Variants in ICE2 observed in about 807,000 individuals in gnomAD.
ICE2 encodes interactor of little elongation complex ELL subunit 2.
In ICE2, 87 loss-of-function variants were observed where a neutral mutation model predicts 105.4. That is an observed-to-expected ratio of 0.83 (90% CI 0.69 to 0.99). ICE2 has a LOEUF of 0.99. ICE2 is among the 50% of genes least tolerant of loss of function. The probability of loss-of-function intolerance (pLI) is 0.00; values close to 1 mark genes in which losing one functional copy is unlikely to be tolerated. For synonymous variants in ICE2, 399 were observed against 392.0 expected (o/e 1.02, Z -0.21); for missense variants, 1,323 against 1,146.7 (o/e 1.15, Z -2.22).
rs560292846 is a variant in ICE2, at chr15:60,423,542, C to T, written c.*92G>A. 2 of 1,232,574 alleles carry T rather than the reference C, an allele frequency of 1.6e-6. No individual in the cohort carries two copies. Among genetic ancestry groups the T allele is most frequent in the African/African-American group, 1.6e-5 (1 of 63,782 alleles). 76.4% of individuals were successfully genotyped at this position (1,232,574 alleles called of 1,614,324 possible). On this transcript the variant is annotated 3_prime_UTR_variant, in exon 16 of 16. Coordinates refer to ENST00000261520, the MANE Select transcript of ICE2 (RefSeq NM_024611.6). ...CTCTAGCTACTACAGGAAAAATGTT[C>T]CTCTTGCCTACTGATTATTTTCCCT...
chr15:60,463,132 T>C (rs899664606), intron 5 of ICE2, among the ~76,000 whole-genome samples: 3 of 152,188 alleles, frequency 2.0e-5, no homozygotes, highest in African/African-American at 4.8e-5. Context: ...AAATACACTA[T>C]GATATTTGGT....
At chr15:60,441,805 C>T (rs2063726510) in intron 12 of ICE2, 1 of 152,102 alleles carries the variant, frequency 6.6e-6, no homozygotes, top group Non-Finnish European at 1.5e-5. Context: ...GAACTTCAGC[C>T]TAATCCCCAT....
rs575352697 is a variant in ICE2, at chr15:60,448,955, A to G, written c.2012T>C (p.Leu671Ser). 6.2e-7 allele frequency: 1 copy of G among 1,614,048 alleles called. No individual in the cohort carries two copies. Among genetic ancestry groups the G allele is most frequent in the Admixed American group, 1.7e-5 (1 of 60,014 alleles). The change falls in exon 10 of 16, where the codon TTA (leucine) becomes TCA (serine). Residue 671 changes from leucine to serine, a missense_variant. Coordinates refer to ENST00000261520, the MANE Select transcript of ICE2 (RefSeq NM_024611.6). ...RKVPELPLMN[L>S]ENSKQPSVSE... ...AACAGAAGGCTGTTTAGAATTTTCT[A>G]AATTCATTAAGGGCAATTCTGGTAC...
At chr15:60,472,960 A>C (rs1449365411) in intron 3 of ICE2, among the ~76,000 whole-genome samples, 1 of 152,152 alleles carries the variant, frequency 6.6e-6, no homozygotes, top group African/African-American at 2.4e-5. Flanking sequence ...TAAGGTCTCA[A>C]ATTTTGAGAT....
Position 60,466,595 on chromosome 15 carries a change from T to A in ICE2, c.527A>T (p.Glu176Val). Residue 176 changes from glutamate to valine, a missense_variant and splice_region_variant, in exon 5 of 16, where the codon GAG becomes GTG. By Grantham distance (121) the Glu-to-Val change is moderately radical (BLOSUM62 -2). Transcript: ENST00000261520. ...CACAAATGTGAGTTGTTTTTTTACCTCTGTGAAGAGACGGGCATCATCAGA... is the reference window on the plus strand; with the variant it reads ...CACAAATGTGAGTTGTTTTTTTACCACTGTGAAGAGACGGGCATCATCAGA... ...MLSDDARLFT[E>V]KILRACIEQV... is the part of the protein sequence containing the mutation. The A allele has an allele frequency of 1.2e-6, 2 of 1,610,466 alleles. No individual in the cohort carries two copies. Among genetic ancestry groups the A allele is most frequent in the Non-Finnish European group, 1.7e-6 (2 of 1,179,524 alleles).
At chr15:60,428,766 G>T in intron 14 of ICE2, 79 bp from the exon 15 acceptor site, 1 of 1,448,678 alleles carries the variant, frequency 6.9e-7, no homozygotes, top group Non-Finnish European at 9.3e-7. Flanking sequence ...TAATCTATTA[G>T]TAAAATTGAA....
Position 60,423,106 on chromosome 15 carries a change from T to C in ICE2, c.*528A>G, listed in dbSNP as rs925889154. ...GAGTTTTTATTTTTGGCTTCTGTAA[T>C]GGAATTTCACCAAGTTTTTAAAGGT... On this transcript the variant is annotated 3_prime_UTR_variant, in exon 16 of 16. Coordinates refer to ENST00000261520, the MANE Select transcript of ICE2 (RefSeq NM_024611.6). 2 of 152,634 alleles carry C rather than the reference T, an allele frequency of 1.3e-5. No individual in the cohort carries two copies. Among genetic ancestry groups the C allele is most frequent in the African/African-American group, 4.8e-5 (2 of 41,448 alleles). 9.5% of individuals were successfully genotyped at this position (152,634 alleles called of 1,614,324 possible).
rs760974785 is a variant in ICE2 at position 60,449,009 on chromosome 15, T to C, written c.1958A>G (p.Asp653Gly). 5 of 1,613,876 alleles carry C rather than the reference T, an allele frequency of 3.1e-6. No homozygotes were observed. The highest frequency in any genetic ancestry group is 4.2e-6 in the Non-Finnish European group (5 of 1,179,974). The change falls in exon 10 of 16, where the codon GAT becomes GGT. Residue 653 changes from aspartate (D) to glycine (G), a missense_variant. Physicochemically the swap from Asp to Gly is moderately conservative, Grantham distance 94. Transcript: ENST00000261520. ...DPVGEILKMQ[D>G]ELLKPISRKV... ...TCTGGAAATTGGCTTTAAGAGCTCA[T>C]CCTGCATTTTTAAAATCTCTCCAAC...
chr15:60,469,138 T>A (rs1037050788), intron 3 of ICE2, among the ~76,000 whole-genome samples: 1 of 152,208 alleles, frequency 6.6e-6, no homozygotes, highest in Non-Finnish European at 1.5e-5. Context: ...TGAGATCATG[T>A]CCTTTGCAGG....
chr15:60,431,053 T>G (rs1012836832), intron 14 of ICE2, among the ~76,000 whole-genome samples: 1 of 152,020 alleles, frequency 6.6e-6, no homozygotes, highest in Admixed American at 6.5e-5. Flanking sequence ...TTTGTATTTT[T>G]AGTAGAGACG....
chr15:60,436,207 A>C lies in ICE2; in HGVS notation c.2446T>G (p.Ser816Ala), dbSNP rs1465111193. ...ATTTCTTCCAGTAGAAAAAGTTTTG[A>C]AGTAAATGCATCGATATGCCCTAAA... ...FYVGHIDAFT[S>A]KLFLLEEITS... Residue 816 changes from serine (S) to alanine (A), a missense_variant, in exon 13 of 16, where the codon TCA (serine) becomes GCA (alanine). Physicochemically the swap from Ser to Ala is moderately conservative, Grantham distance 99 (BLOSUM62 1). Coordinates refer to ENST00000261520, the MANE Select transcript of ICE2 (RefSeq NM_024611.6). The C allele has an allele frequency of 6.3e-6, 9 of 1,431,182 alleles. No individual in the cohort carries two copies. The highest frequency in any genetic ancestry group is 2.9e-5 in the African/African-American group (2 of 68,068). The allele number at this position is 1,431,182 out of a possible 1,614,324, so 88.7% of individuals were successfully genotyped here.
Position 60,421,965 on chromosome 15 carries a change from C to G in ICE2, c.*1669G>C, listed in dbSNP as rs1296734337. ...ACAATACTTGAGGAGATTTTTCGGT[C>G]TAATTTCTCAGAAATTAGGCCAAAA... On this transcript the variant is annotated 3_prime_UTR_variant, in exon 16 of 16. Transcript: ENST00000261520. The G allele has an allele frequency of 6.6e-6, 1 of 150,608 alleles. No individual in the cohort carries two copies. 9.3% of individuals were successfully genotyped at this position (150,608 alleles called of 1,614,324 possible).
chr15:60,459,665 C>T (rs1445385041), intron 5 of ICE2, among the ~76,000 whole-genome samples: 4 of 151,990 alleles, frequency 2.6e-5, no homozygotes, highest in Admixed American at 2.0e-4. Context: ...AAAAAAGAAA[C>T]AGCATTACAA....
At chr15:60,445,731 T>C (rs546105651) in intron 11 of ICE2, 2 of 985,216 alleles carry the variant, frequency 2.0e-6, no homozygotes, top group Non-Finnish European at 2.4e-6. Context: ...GTATCCAAAA[T>C]TTCCCTAGGC....
At chr15:60,465,698 A>ATG (rs1567005828) in intron 5 of ICE2, among the ~76,000 whole-genome samples, 3 of 370 alleles carry the variant, frequency 8.1e-3, no homozygotes, top group Admixed American at 0.14. Context: ...TCTACTACAA[A>ATG]TATGTGTGTG....
At chr15:60,457,329 T>C (rs766465274) in intron 5 of ICE2, among the ~76,000 whole-genome samples, 8 of 152,186 alleles carry the variant, frequency 5.3e-5, no homozygotes, top group Non-Finnish European at 8.8e-5. Context: ...ATCTGTAAGT[T>C]AATAAAATTC....
intron 15 of ICE2, among the ~76,000 whole-genome samples, chr15:60,424,990 T>C (rs2063310419): frequency 6.6e-6 from 1 of 152,156 alleles, no homozygotes; most frequent in Admixed American, 6.5e-5. Flanking sequence ...TTCTCCTCTA[T>C]TTCTTCATAT....
At chr15:60,478,860 G>A in intron 1 of ICE2, 143 bp downstream of exon 1, 1 of 424,542 alleles carries the variant, frequency 2.4e-6, no homozygotes, top group Non-Finnish European at 4.8e-6. Flanking sequence ...AGCAAAGCAG[G>A]GGTAGGAGCC....
At chr15:60,476,273 C>T (rs2064759632) in intron 2 of ICE2, 106 bp from the exon 3 acceptor site, 2 of 665,586 alleles carry the variant, frequency 3.0e-6, no homozygotes, top group South Asian at 1.8e-5. Flanking sequence ...CTTCTTACCC[C>T]CCCATCCCCA....
Sources: gnomAD v4.1 joint callset for allele counts (sites outside exome capture counted in the v4.1 genomes callset) on GRCh38, gnomAD v4.1.1 for gene constraint, MANE v1.5 for transcripts, NCBI Gene and HGNC (gene_info 2026-07-23, HGNC 2026-07-21) for gene names.